Variants in SLC19A1 observed in about 807,000 individuals in gnomAD.
SLC19A1 encodes reduced folate transporter.
Under a neutral mutation model 35.3 loss-of-function variants are expected in SLC19A1, and 37 were observed. The ratio of observed to expected loss-of-function variants is 1.05; its 90% CI spans 0.81 to 1.38. SLC19A1 has a LOEUF of 1.38. Ranked by LOEUF, SLC19A1 falls within the 40% of genes most tolerant of loss-of-function variation. SLC19A1 has a pLI of 0.00. For missense variants in SLC19A1, 831 were observed against 826.9 expected, an observed-to-expected ratio of 1.00 and a Z score of -0.06; for synonymous variants, 460 against 398.5, an observed-to-expected ratio of 1.15 and a Z score of -1.84.
chr21:45,530,770 G>C lies in SLC19A1; in HGVS notation c.1151C>G (p.Thr384Ser). ...GSYQFLVPIA[T>S]FQIASSLSKE... ...GGCTTCCCACCCTTCTGGAACTCAC[G>C]TGGCGATGGGCACGAGGAACTGGTA... The change falls in exon 4 of 6, where the codon ACC becomes AGC. Residue 384 changes from threonine (T) to serine (S), a missense_variant and splice_region_variant. Coordinates refer to ENST00000311124, the MANE Select transcript of SLC19A1 (RefSeq NM_194255.4). This position sits in a 1 kb window ranked among gnomAD's most constrained non-coding sequence, Gnocchi z 5.3. The C allele has an allele frequency of 6.4e-7, 1 of 1,556,474 alleles. No homozygotes were observed. The highest frequency in any genetic ancestry group is 8.7e-7 in the Non-Finnish European group (1 of 1,150,200).
At chr21:45,549,166 G>C (rs956002315), upstream of SLC19A1, among the ~76,000 whole-genome samples, 1 of 152,212 alleles carries the variant, frequency 6.6e-6, no homozygotes, top group African/African-American at 2.4e-5. Context: ...TAAACACGCA[G>C]TACATCCACA....
At chr21:45,503,666 T>C (rs538158129) in intron 3 of SLC19A1, among the ~76,000 whole-genome samples, 55 of 147,350 alleles carry the variant, frequency 3.7e-4, no homozygotes, top group Admixed American at 1.1e-3. Flanking sequence ...GGGATAGCAT[T>C]GGGAGATATA....
intron 5 of SLC19A1, among the ~76,000 whole-genome samples, chr21:45,518,661 T>G (rs961502857): frequency 2.0e-5 from 3 of 152,162 alleles, no homozygotes; most frequent in African/African-American, 7.2e-5. Flanking sequence ...TAACAGTAAT[T>G]GCTCATCAAA....
At chr21:45,503,803 TTAAAAATAAAA>T (rs2037013874) in intron 3 of SLC19A1, 4 of 317,624 alleles carry the variant, frequency 1.3e-5, no homozygotes, top group Admixed American at 9.6e-5. Context: ...TTTAAAAAAT[TTAAAAATAAAA>T]TAAAAATAAA....
chr21:45,512,540 C>T (rs933204493), downstream of SLC19A1: 2 of 757,070 alleles, frequency 2.6e-6, no homozygotes, highest in African/African-American at 1.8e-5. Flanking sequence ...ATGTAATCCT[C>T]AAGAAATAAA....
chr21:45,505,987 G>A (rs1426791463), intron 3 of SLC19A1: 11 of 1,612,936 alleles, frequency 6.8e-6, no homozygotes, highest in Non-Finnish European at 8.5e-6. Flanking sequence ...TGTGTGACGG[G>A]TTCTGGACCC....
At chr21:45,549,842 G>A (rs954949844) in intron 1 of SLC19A1, among the ~76,000 whole-genome samples, 3 of 151,280 alleles carry the variant, frequency 2.0e-5, no homozygotes, top group African/African-American at 7.3e-5. Flanking sequence ...ACAGCTGGGC[G>A]CACACTGTGG....
At position 45,515,644 on chromosome 21, in the gene SLC19A1, G is replaced by C. The variant is rs970100795; in HGVS notation, c.*14C>G. 1.9e-6 allele frequency: 3 copies of C among 1,612,918 alleles called. No individual in the cohort carries two copies. The Admixed American group carries it at 5.0e-5, about 27-fold the overall frequency. On this transcript the variant is annotated 3_prime_UTR_variant, in exon 6 of 6. Coordinates refer to ENST00000311124, the MANE Select transcript of SLC19A1 (RefSeq NM_194255.4). The stretch of plus-strand genomic sequence containing the variant: ...GAGGGCCGCCTGCAAAGTTACCACA[G>C]GGGCGCCCGAGAGTCACTGGTTCAC...
chr21:45,505,033 C>T lies in SLC19A1; in HGVS notation c.498-6421G>A, dbSNP rs977094733. The T allele has an allele frequency of 2.6e-5, 38 of 1,470,318 alleles. 2 individuals are homozygous for T. Among genetic ancestry groups the T allele is most frequent in the South Asian group, 1.2e-4 (10 of 83,262 alleles). 91.1% of individuals were successfully genotyped at this position (1,470,318 alleles called of 1,614,324 possible). On this transcript the variant is annotated intron_variant, in intron 3 of 4. Coordinates refer to the SLC19A1 transcript ENST00000417954. ...GAGGGGACCGGTGACTCAGAGGCTG[C>T]GCTCGCCAAGGGGGTCTTGGCAGCT...
chr21:45,553,380 G>A (rs962716761), intron 1 of SLC19A1, among the ~76,000 whole-genome samples: 4 of 151,948 alleles, frequency 2.6e-5, no homozygotes, highest in East Asian at 2.0e-4. Flanking sequence ...GAGCCACAGG[G>A]GACACGGCTC....
downstream of SLC19A1, chr21:45,509,476 A>G: frequency 6.5e-7 from 1 of 1,527,070 alleles, no homozygotes; most frequent in Admixed American, 1.9e-5. Flanking sequence ...CATCCTGGCC[A>G]GCCCCCCTCG....
intron 3 of SLC19A1, chr21:45,505,517 C>T (rs545057804): frequency 5.7e-5 from 44 of 769,436 alleles, no homozygotes; most frequent in Admixed American, 1.8e-4. Context: ...CACTCTCCCA[C>T]GGACCCCACA....
intron 3 of SLC19A1, chr21:45,504,364 T>G (rs2037052695): frequency 4.4e-6 from 7 of 1,580,524 alleles, no homozygotes; most frequent in Non-Finnish European, 6.0e-6. Flanking sequence ...GGAGGCCACC[T>G]GTGGCTTGTA....
intron 1 of SLC19A1, among the ~76,000 whole-genome samples, chr21:45,552,313 G>C (rs755369916): frequency 1.2e-4 from 18 of 152,304 alleles, no homozygotes; most frequent in South Asian, 2.1e-4. Context: ...GCAGGGGTCA[G>C]GCTGGTCCAG....
chr21:45,538,078 G>A, intron 1 of SLC19A1, 70 bp from the exon 2 acceptor site: 6 of 872,986 alleles, frequency 6.9e-6, no homozygotes, highest in Non-Finnish European at 9.7e-6. Context: ...GCAAAACGAG[G>A]CCCAGTGCCG....
chr21:45,505,302 C>G (rs112155290), intron 3 of SLC19A1: 1 of 1,604,372 alleles, frequency 6.2e-7, no homozygotes, highest in South Asian at 1.1e-5. Flanking sequence ...GAGTGGGCCC[C>G]GGGCAGAGGC....
chr21:45,531,719 T>G lies in SLC19A1; in HGVS notation c.619A>C (p.Lys207Gln), dbSNP rs1043812673. ...VVLALFLKRP[K>Q]RSLFFNRDDR... The stretch of plus-strand genomic sequence containing the variant: ...TCGCGGTTGAAGAAGAGGCTGCGCT[T>G]GGGGCGCTTCAGGAAGAGGGCGAGG... Residue 207 changes from lysine to glutamine, a missense_variant, in exon 3 of 6, where the codon AAG (lysine) becomes CAG (glutamine). Physicochemically the swap from Lys to Gln is moderately conservative, Grantham distance 53. Coordinates refer to ENST00000311124, the MANE Select transcript of SLC19A1 (RefSeq NM_194255.4). 2 of 1,612,804 alleles carry G rather than the reference T, an allele frequency of 1.2e-6. No homozygotes were observed. Among genetic ancestry groups the G allele is most frequent in the Non-Finnish European group, 1.7e-6 (2 of 1,179,676 alleles).
upstream of SLC19A1, chr21:45,543,868 C>CAGGAGGGGCAACGCGGAGG (rs1327178268): frequency 6.6e-6 from 1 of 152,392 alleles, no homozygotes; most frequent in Non-Finnish European, 1.5e-5. Flanking sequence ...TGCTGGAAGA[C>CAGGAGGGGCAACGCGGAGG]AGGAGGGGCA....
intron 4 of SLC19A1, among the ~76,000 whole-genome samples, chr21:45,527,442 G>A (rs1295043346): frequency 1.4e-5 from 2 of 143,154 alleles, no homozygotes; most frequent in African/African-American, 5.3e-5. Context: ...GGCCCTGGAG[G>A]TGAGTGGCAG....
Sources: allele counts gnomAD v4.1 joint callset (sites outside exome capture counted in the v4.1 genomes callset), GRCh38; gene constraint gnomAD v4.1.1; non-coding constraint Gnocchi (gnomAD v3.1); transcripts MANE v1.5; gene names NCBI Gene and HGNC (gene_info 2026-07-23, HGNC 2026-07-21).